Variants in ZNF217 observed in about 807,000 individuals in gnomAD.
ZNF217 encodes the protein zinc finger protein 217.
In ZNF217, 12 loss-of-function variants were observed where a neutral mutation model predicts 73.3. The ratio of observed to expected loss-of-function variants is 0.16; its 90% CI spans 0.10 to 0.27. The LOEUF (loss-of-function observed/expected upper bound fraction) is 0.27. ZNF217 is among the 10% of genes least tolerant of loss of function. The pLI is 1.00. For synonymous variants in ZNF217, 588 were observed against 516.4 expected (o/e 1.14, Z -1.88); for missense variants, 1,195 against 1,327.8 (o/e 0.90, Z 1.55).
rs758203723 is a variant in ZNF217 at position 53,582,658 on chromosome 20, T to G, written c.169A>C (p.Ile57Leu). 6.2e-7 allele frequency: 1 copy of G among 1,614,058 alleles called. No homozygotes were observed. Residue 57 changes from isoleucine to leucine, a missense_variant, in exon 2 of 6, where the codon ATC becomes CTC. Around this residue, in one of 9 missense-constraint regions of ZNF217, gnomAD observed 147 missense variants for 184.3 expected, o/e 0.80. Transcript: ENST00000371471. The surrounding 1 kb of genome is among the most constrained non-coding windows in gnomAD (Gnocchi z 4.8). ...PFRATQEKNVIQIEGYMPLDC... is the reference protein window; with the variant it reads ...PFRATQEKNVLQIEGYMPLDC... The stretch of plus-strand genomic sequence containing the variant: ...AAGGGCATATACCCCTCGATTTGGA[T>G]GACATTTTTTTCTTGTGTAGCTCGG...
At chr20:53,588,280 T>C (rs1170597170) in intron 1 of ZNF217, among the ~76,000 whole-genome samples, 1 of 152,144 alleles carries the variant, frequency 6.6e-6, no homozygotes, top group South Asian at 2.1e-4. Flanking sequence ...ATACTAGTTT[T>C]AGTTTCAATA....
At chr20:53,571,643 G>A in intron 5 of ZNF217, 78 bp downstream of exon 5, 1 of 1,481,730 alleles carries the variant, frequency 6.7e-7, no homozygotes, top group African/African-American at 1.4e-5. Flanking sequence ...TCGATCTCAG[G>A]TGATCCGCCC....
In ZNF217 at chr20:53,577,012, C is replaced by G. The variant is rs775834616; in HGVS notation, c.1752G>C (p.Gln584His). Residue 584 changes from glutamine to histidine, a missense_variant, in exon 4 of 6, where the codon CAG becomes CAC. Physicochemically the swap from Gln to His is conservative, Grantham distance 24. Transcript: ENST00000371471. ...AGAGGACAGCGCTGCCCAGAACATT[C>G]TGAAAAACAGAAGGCATCTCCTTAA... ...KQLKEMPSVF[Q>H]NVLGSAVLSP... The G allele has an allele frequency of 3.1e-6, 5 of 1,614,106 alleles. No homozygotes were observed. The African/African-American group carries it at 5.3e-5, about 17-fold the overall frequency.
Position 53,569,096 on chromosome 20 carries a change from CA to C in ZNF217, c.*191del, listed in dbSNP as rs761752998. Reference sequence around the variant, plus strand: ...AACTAGTTTGTATTGCTATTTGGTACAAAAGTTAACAGAACAACTTTACACA... The same window carrying C: ...AACTAGTTTGTATTGCTATTTGGTACAAAGTTAACAGAACAACTTTACACA... On this transcript the variant is annotated 3_prime_UTR_variant, in exon 6 of 6. Transcript: ENST00000371471. 7.9e-6 allele frequency: 10 copies of C among 1,265,110 alleles called. No homozygotes were observed. In the Admixed American group the frequency reaches 1.7e-4, roughly 22 times the overall value. 78.4% of individuals were successfully genotyped at this position (1,265,110 alleles called of 1,614,324 possible). A position where few individuals can be genotyped will look rare whatever the true frequency, so the allele number is the denominator to read the frequency against.
chr20:53,593,878 C>CGGAG (rs1284837069), upstream of ZNF217: 29 of 76,028 alleles, frequency 3.8e-4, no homozygotes, highest in Non-Finnish European at 6.3e-4. Context: ...GCGGGGAGGG[C>CGGAG]GGAGGGAGGG....
intron 2 of ZNF217, among the ~76,000 whole-genome samples, chr20:53,580,827 C>A (rs6068588): frequency 0.15 from 22,055 of 150,472 alleles, 1,783 homozygotes; most frequent in African/African-American, 0.21. Flanking sequence ...AAATAATATT[C>A]CTGGCTCTAG....
At chr20:53,571,412 C>G (rs962993214) in intron 5 of ZNF217, among the ~76,000 whole-genome samples, 4 of 120,122 alleles carry the variant, frequency 3.3e-5, no homozygotes, top group East Asian at 5.9e-4. Flanking sequence ...CCCCGCCCCC[C>G]CTTTTTTTTA....
chr20:53,573,528 T>G (rs1158542640), intron 4 of ZNF217, among the ~76,000 whole-genome samples: 1 of 152,154 alleles, frequency 6.6e-6, no homozygotes. Context: ...AATCTAGACT[T>G]ACTCACTGCA....
In ZNF217 at chr20:53,568,573, G is replaced by C. The variant is rs546374020; in HGVS notation, c.*715C>G. On this transcript the variant is annotated 3_prime_UTR_variant, in exon 6 of 6. Transcript: ENST00000371471. The stretch of plus-strand genomic sequence containing the variant: ...TTCCAGGACAATCTGGAGAGGCGAG[G>C]AAGAAGGTGCCTTCCCCATCTGAGA... 6.6e-6 allele frequency: 1 copy of C among 152,216 alleles called. No homozygotes were observed. The highest frequency in any genetic ancestry group is 2.1e-4 in the South Asian group (1 of 4,812). The allele number at this position is 152,216 out of a possible 1,614,324, so 9.4% of individuals were successfully genotyped here.
At chr20:53,577,642 G>A (rs756439753) in intron 3 of ZNF217, among the ~76,000 whole-genome samples, 14 of 152,178 alleles carry the variant, frequency 9.2e-5, no homozygotes, top group Non-Finnish European at 1.9e-4. Flanking sequence ...TCAAATCTAC[G>A]CAGCCTCCTA....
In ZNF217 at chr20:53,584,918, A is replaced by G. The variant is rs16989859; in HGVS notation, c.-342-1750T>C. Among the ~76,000 whole-genome samples, 1,110 of 152,272 alleles carry G rather than the reference A, an allele frequency of 7.3e-3. 23 individuals carry two copies. The highest frequency in any genetic ancestry group is 0.026 in the African/African-American group (1,071 of 41,542). On this transcript the variant is annotated intron_variant, in intron 1 of 5. Coordinates refer to ENST00000371471, the MANE Select transcript of ZNF217 (RefSeq NM_006526.3). Reference sequence around the variant, plus strand: ...AGAAAAACAGTTATCAAATTCTGACAACGCTGTTTTCCCTGGCCAAGAACA... The same window carrying G: ...AGAAAAACAGTTATCAAATTCTGACGACGCTGTTTTCCCTGGCCAAGAACA...
At chr20:53,594,231 C>T (rs1442155486), upstream of ZNF217, among the ~76,000 whole-genome samples, 1 of 151,730 alleles carries the variant, frequency 6.6e-6, no homozygotes, top group Admixed American at 6.6e-5. Context: ...CGGGGCGCGG[C>T]GCGTCCGGCG....
chr20:53,581,935 C>T lies in ZNF217; in HGVS notation c.892G>A (p.Ala298Thr), dbSNP rs1988517550. 6.2e-7 allele frequency: 1 copy of T among 1,614,090 alleles called. No individual in the cohort carries two copies. The highest frequency in any genetic ancestry group is 8.5e-7 in the Non-Finnish European group (1 of 1,180,042). The change falls in exon 2 of 6, where the codon GCT becomes ACT. Residue 298 changes from alanine (A) to threonine (T), a missense_variant. This residue lies in a region of ZNF217 where 11 missense variants were observed against 30.5 expected (regional missense o/e 0.36). Coordinates refer to ENST00000371471, the MANE Select transcript of ZNF217 (RefSeq NM_006526.3). The surrounding 1 kb of genome is among the most constrained non-coding windows in gnomAD (Gnocchi z 4.9). ...TTTCCTTTGGTAGCCAGCTGCCAAG[C>T]CTGGAAGGTGGTGAACGGATCGAGC... Reference protein sequence around the residue: ...PQLDPFTTFQAWQLATKGKVA... With the variant: ...PQLDPFTTFQTWQLATKGKVA...
At chr20:53,597,131 T>G (rs1736890449), upstream of ZNF217, among the ~76,000 whole-genome samples, 1 of 152,106 alleles carries the variant, frequency 6.6e-6, no homozygotes, top group Non-Finnish European at 1.5e-5. Flanking sequence ...TTTGCTGTAT[T>G]TAACACTTAC....
In ZNF217 at chr20:53,581,432, C is replaced by T. The variant is rs779154287; in HGVS notation, c.1366+29G>A. The T allele has an allele frequency of 1.3e-6, 2 of 1,572,486 alleles. No homozygotes were observed. Among genetic ancestry groups the T allele is most frequent in the East Asian group, 2.3e-5 (1 of 44,398 alleles). On this transcript the variant is annotated intron_variant, in intron 2 of 5. Coordinates refer to ENST00000371471, the MANE Select transcript of ZNF217 (RefSeq NM_006526.3). The surrounding 1 kb of genome is among the most constrained non-coding windows in gnomAD (Gnocchi z 4.9). ...GGGAGACAGACAGACACAGGCGGAA[C>T]AGCACGGGACGGAGACAGGGCAGCT...
In ZNF217 at chr20:53,572,885, C is replaced by CACCACCAGG. The variant is rs1568679368; in HGVS notation, c.3038-1041_3038-1033dup. 2 of 152,120 alleles carry CACCACCAGG rather than the reference C, an allele frequency of 1.3e-5. 1 individual carries two copies. Among genetic ancestry groups the CACCACCAGG allele is most frequent in the Non-Finnish European group, 2.9e-5 (2 of 68,020 alleles). 9.4% of individuals were successfully genotyped at this position (152,120 alleles called of 1,614,324 possible). On this transcript the variant is annotated intron_variant, in intron 4 of 5. Transcript: ENST00000371471. Reference sequence around the variant, plus strand: ...TGTGCCAGACACCTGTACGAAGTGACACCACCAGGACACATTTCTATGGGG... The same window carrying CACCACCAGG: ...TGTGCCAGACACCTGTACGAAGTGACACCACCAGGACCACCAGGACACATTTCTATGGGG...
chr20:53,578,502 A>G (rs1406336032), intron 2 of ZNF217, 52 bp from the exon 3 acceptor site: 10 of 1,140,134 alleles, frequency 8.8e-6, no homozygotes, highest in African/African-American at 3.2e-5. Context: ...AAGTACCTGA[A>G]TAAGGCATGC....
Position 53,576,065 on chromosome 20 carries a change from A to C in ZNF217, c.2699T>G (p.Phe900Cys). ...AGTATTGCTGGCACTCCGATTACAG[A>C]AATAGTCTCTTCCCGGAGGTGCCCA... ...SPWAPPGRDY[F>C]CNRSASNTAA... Residue 900 changes from phenylalanine (F) to cysteine (C), a missense_variant, in exon 4 of 6, where the codon TTC (phenylalanine) becomes TGC (cysteine). By Grantham distance (205) the Phe-to-Cys change is radical. Around this residue, in one of 9 missense-constraint regions of ZNF217, gnomAD observed 649 missense variants for 642.8 expected, o/e 1.01. Transcript: ENST00000371471. 1 of 1,614,170 alleles carries C rather than the reference A, an allele frequency of 6.2e-7. No homozygotes were observed. Among genetic ancestry groups the C allele is most frequent in the South Asian group, 1.1e-5 (1 of 91,082 alleles).
chr20:53,593,638 G>A (rs1323121086), intron 1 of ZNF217, 118 bp downstream of exon 1: 2 of 151,574 alleles, frequency 1.3e-5, no homozygotes, highest in East Asian at 3.9e-4. Context: ...GGGGAACTGA[G>A]GTCATCCTGG....
Sources: gnomAD v4.1 joint callset for allele counts (sites outside exome capture counted in the v4.1 genomes callset) on GRCh38, gnomAD v4.1.1 for gene constraint, gnomAD v4.1.1 regional missense constraint, Gnocchi (gnomAD v3.1) non-coding constraint, MANE v1.5 for transcripts, NCBI Gene and HGNC (gene_info 2026-07-23, HGNC 2026-07-21) for gene names.